Variants in CLIC4 observed in about 807,000 individuals in gnomAD.
CLIC4 encodes CLIC family member 4.
A neutral mutation model predicts 24.6 loss-of-function variants in CLIC4; 13 were observed. That is an observed-to-expected ratio of 0.53 (90% confidence interval 0.34 to 0.84). CLIC4 has a LOEUF of 0.84. CLIC4 is among the 40% of genes least tolerant of loss of function. The pLI is 0.01. For synonymous variants in CLIC4, 104 were observed against 111.3 expected (o/e 0.93, Z 0.41); for missense variants, 227 against 301.7 (o/e 0.75, Z 1.83).
chr1:24,756,242 G>A (rs574163906), intron 1 of CLIC4, among the ~76,000 whole-genome samples: 69 of 152,080 alleles, frequency 4.5e-4, no homozygotes, highest in Admixed American at 1.7e-3. Flanking sequence ...CTCGTGATCC[G>A]CCCGCCTCGG....
At chr1:24,836,890 A>T (rs975581269) in intron 4 of CLIC4, among the ~76,000 whole-genome samples, 1 of 152,236 alleles carries the variant, frequency 6.6e-6, no homozygotes, top group African/African-American at 2.4e-5. Flanking sequence ...ATGTTTGAAA[A>T]TTAATTAGTA....
At chr1:24,784,233 T>C (rs1433127401) in intron 1 of CLIC4, among the ~76,000 whole-genome samples, 1 of 152,160 alleles carries the variant, frequency 6.6e-6, no homozygotes, top group African/African-American at 2.4e-5. Context: ...ACCCCGTCCC[T>C]TGAGTGTTGT....
chr1:24,749,666 A>T (rs1028419420), intron 1 of CLIC4, among the ~76,000 whole-genome samples: 1 of 152,160 alleles, frequency 6.6e-6, no homozygotes, highest in African/African-American at 2.4e-5. Context: ...TCTCAAAAGT[A>T]AAAAAGGCAG....
intron 4 of CLIC4, among the ~76,000 whole-genome samples, chr1:24,831,363 C>G (rs1639838791): frequency 6.6e-6 from 1 of 152,122 alleles, no homozygotes; most frequent in Non-Finnish European, 1.5e-5. Context: ...GTGTCTTGCA[C>G]TGACGAATAC....
At chr1:24,784,667 A>AGACTTC (rs1639243137) in intron 1 of CLIC4, among the ~76,000 whole-genome samples, 1 of 152,216 alleles carries the variant, frequency 6.6e-6, no homozygotes, top group Non-Finnish European at 1.5e-5. Flanking sequence ...GAGTAAGGAA[A>AGACTTC]TGGTAGCAAC....
intron 1 of CLIC4, chr1:24,771,724 T>G: frequency 2.8e-6 from 1 of 361,982 alleles, no homozygotes; most frequent in East Asian, 7.3e-5. Flanking sequence ...AGTATTCAGT[T>G]ATTGAACTTG....
intron 3 of CLIC4, among the ~76,000 whole-genome samples, chr1:24,815,725 A>G (rs1481041571): frequency 3.3e-5 from 5 of 152,306 alleles, no homozygotes; most frequent in African/African-American, 9.6e-5. Context: ...GTAACATGCA[A>G]TAGTGTTTGA....
intron 4 of CLIC4, among the ~76,000 whole-genome samples, chr1:24,836,603 T>A (rs1247956536): frequency 3.9e-5 from 6 of 152,148 alleles, no homozygotes; most frequent in Admixed American, 1.3e-4. Flanking sequence ...TTAGGGAGGC[T>A]GAGGTGGGCA....
chr1:24,777,681 G>GGCT (rs1436870506), intron 1 of CLIC4, among the ~76,000 whole-genome samples: 5 of 152,064 alleles, frequency 3.3e-5, no homozygotes, highest in Non-Finnish European at 7.4e-5. Flanking sequence ...ACCTATACAT[G>GGCT]GCTATTCAGT....
In CLIC4 at chr1:24,844,238, T is replaced by C. The variant is rs1166653274; in HGVS notation, c.*3301T>C. 1 of 152,656 alleles carries C rather than the reference T, an allele frequency of 6.6e-6. No individual in the cohort carries two copies. The highest frequency in any genetic ancestry group is 2.4e-5 in the African/African-American group (1 of 41,462). 9.5% of individuals were successfully genotyped at this position (152,656 alleles called of 1,614,324 possible). A position where few individuals can be genotyped will look rare whatever the true frequency, so the allele number is the denominator to read the frequency against. ...ACCAGTATATTGCTGGCAGCTATTGTATTAAAAAATAAAGTATATTTTCAC... is the reference window on the plus strand; with the variant it reads ...ACCAGTATATTGCTGGCAGCTATTGCATTAAAAAATAAAGTATATTTTCAC... On this transcript the variant is annotated 3_prime_UTR_variant, in exon 6 of 6. Coordinates refer to ENST00000374379, the MANE Select transcript of CLIC4 (RefSeq NM_013943.3).
intron 2 of CLIC4, among the ~76,000 whole-genome samples, chr1:24,798,783 G>C (rs1359952777): frequency 6.6e-6 from 1 of 151,596 alleles, no homozygotes; most frequent in Non-Finnish European, 1.5e-5. Context: ...AGCCTGCCGA[G>C]TGCCTGCGAT....
At chr1:24,766,594 C>G (rs1639001927) in intron 1 of CLIC4, among the ~76,000 whole-genome samples, 1 of 140,214 alleles carries the variant, frequency 7.1e-6, no homozygotes, top group African/African-American at 2.7e-5. Flanking sequence ...ACCTCCGTCT[C>G]CTGGGCTCAA....
At chr1:24,824,996 TCACACACACACACACACA>T (rs3220273) in intron 3 of CLIC4, among the ~76,000 whole-genome samples, 32 of 133,866 alleles carry the variant, frequency 2.4e-4, no homozygotes, top group Admixed American at 1.3e-3. Context: ...GGAGACCCTG[TCACACACACACACACACA>T]CACACACACA....
intron 1 of CLIC4, among the ~76,000 whole-genome samples, chr1:24,785,714 T>C (rs1171455534): frequency 1.3e-5 from 2 of 151,676 alleles, no homozygotes; most frequent in African/African-American, 4.8e-5. Context: ...TAGCCAGACA[T>C]GGTGGCAGGT....
chr1:24,774,089 C>T (rs1441730358), intron 1 of CLIC4, among the ~76,000 whole-genome samples: 4 of 152,140 alleles, frequency 2.6e-5, no homozygotes, highest in African/African-American at 7.2e-5. Context: ...TCTCCTGCCT[C>T]AGCCTCCCGA....
intron 1 of CLIC4, among the ~76,000 whole-genome samples, chr1:24,780,187 G>A (rs1362657056): frequency 6.6e-6 from 1 of 152,122 alleles, no homozygotes; most frequent in Non-Finnish European, 1.5e-5. Context: ...CTGTGAAGTA[G>A]GTATTCTTCC....
At chr1:24,772,771 A>G (rs1306995233) in intron 1 of CLIC4, among the ~76,000 whole-genome samples, 1 of 152,254 alleles carries the variant, frequency 6.6e-6, no homozygotes, top group African/African-American at 2.4e-5. Context: ...GGTGTGAGCC[A>G]CAGCGCCCGG....
At chr1:24,840,495 G>A (rs906429983) in intron 5 of CLIC4, among the ~76,000 whole-genome samples, 1 of 152,186 alleles carries the variant, frequency 6.6e-6, no homozygotes, top group African/African-American at 2.4e-5. Flanking sequence ...TAGCATATGT[G>A]TGTTGTGAAG....
intron 1 of CLIC4, among the ~76,000 whole-genome samples, chr1:24,790,135 G>C (rs756101752): frequency 1.3e-5 from 2 of 152,184 alleles, no homozygotes; most frequent in Non-Finnish European, 2.9e-5. Flanking sequence ...GCAGTGGCGC[G>C]ATCTCAGCTC....
Sources: gnomAD v4.1 joint callset for allele counts (sites outside exome capture counted in the v4.1 genomes callset) on GRCh38, gnomAD v4.1.1 for gene constraint, MANE v1.5 for transcripts, NCBI Gene and HGNC (gene_info 2026-07-23, HGNC 2026-07-21) for gene names.